The following TRMT2B variants were observed in gnomAD, a reference collection of about 807,000 sequenced individuals.
TRMT2B encodes the protein tRNA (uracil-5-)-methyltransferase homolog B.
In TRMT2B, 34 loss-of-function variants were observed where a neutral mutation model predicts 39.7. The observed-to-expected ratio is 0.86, with a 90% CI of 0.65 to 1.14. The LOEUF is 1.14. TRMT2B is among the 50% of genes most tolerant of loss of function. The pLI is 0.00. For synonymous variants in TRMT2B, 132 were observed against 137.3 expected (o/e 0.96, Z 0.27); for missense variants, 318 against 377.2 (o/e 0.84, Z 1.30).
rs112106991 is a variant in TRMT2B, at chrX:101,010,224, C to T, written c.*357G>A. 0.034 allele frequency: 4,500 copies of T among 131,304 alleles called. 239 individuals carry two copies. Among genetic ancestry groups the T allele is most frequent in the African/African-American group, 0.14 (4,264 of 31,492 alleles). The allele number at this position is 131,304 out of a possible 1,213,427, so 10.8% of individuals were successfully genotyped here. A position where few individuals can be genotyped will look rare whatever the true frequency, so the allele number is the denominator to read the frequency against. ...GTCAGGAGTTTGAGACCAGCCTGGC[C>T]AACATGGTGAAACCCTGTCTCTACC... On this transcript the variant is annotated 3_prime_UTR_variant, in exon 14 of 14. Transcript: ENST00000372936.
rs768882949 is a variant in TRMT2B at position 101,019,024 on chromosome X, C to T, written c.1335G>A (p.Thr445=). ...GGAGCTTGCAGGAAACAAAAACTAG[C>T]GTGTGGATGGCCCTGAAGTTTCGAA... is the stretch of plus-strand genomic sequence containing the variant. ...QAIRNFRAIH[T]LVFVSCKLHG... is the part of the protein sequence containing the mutation. Residue 445 remains threonine (T), a synonymous_variant, in exon 13 of 14, where the codon ACG becomes ACA. Coordinates refer to ENST00000372936, the MANE Select transcript of TRMT2B (RefSeq NM_024917.6). The T allele has an allele frequency of 4.0e-5, 48 of 1,207,433 alleles. No individual in the cohort carries two copies. Among genetic ancestry groups the T allele is most frequent in the East Asian group, 3.9e-4 (13 of 33,755 alleles).
At position 101,021,020 on chromosome X, in the gene TRMT2B, C is replaced by T. The variant is rs1351158641; in HGVS notation, c.1066+81G>A. 6.6e-6 allele frequency: 6 copies of T among 914,502 alleles called. No individual in the cohort carries two copies. The African/African-American group carries it at 9.8e-5, about 15-fold the overall frequency. The allele number at this position is 914,502 out of a possible 1,213,427, so 75.4% of individuals were successfully genotyped here. On this transcript the variant is annotated intron_variant, in intron 10 of 13. Transcript: ENST00000372936. ...GGTTATACCTGCACCACTACCACTA[C>T]CTCTCCCCGACCACCTCCGCAAGCT...
chrX:100,986,754 A>T, the TRMT2B span: 1 of 975,149 alleles, frequency 1.0e-6, no homozygotes, highest in South Asian at 2.5e-5. Context: ...TTTTGGTTTC[A>T]CTCTTCCACT....
intron 7 of TRMT2B, among the ~76,000 whole-genome samples, chrX:101,026,588 C>G (rs775422242): frequency 2.7e-5 from 3 of 110,854 alleles, no homozygotes; most frequent in Non-Finnish European, 5.7e-5. Flanking sequence ...ACTGTATGAC[C>G]TAGGGTCTTG....
At chrX:101,034,531 A>G (rs966721362) in intron 7 of TRMT2B, among the ~76,000 whole-genome samples, 12 of 111,164 alleles carry the variant, frequency 1.1e-4, no homozygotes, top group Non-Finnish European at 2.3e-4. Context: ...TGAAAGCTAG[A>G]CCTCCCTGAA....
At chrX:101,002,634 C>G in the TRMT2B span, among the ~76,000 whole-genome samples, 1 of 110,486 alleles carries the variant, frequency 9.1e-6, no homozygotes, top group Non-Finnish European at 1.9e-5. Flanking sequence ...ACAAAATTAG[C>G]TGGGCCTGGT....
At chrX:101,022,131 T>C in intron 8 of TRMT2B, 69 bp from the exon 9 acceptor site, 1 of 760,708 alleles carries the variant, frequency 1.3e-6, no homozygotes, top group Non-Finnish European at 2.0e-6. Flanking sequence ...CTAAGCTCTA[T>C]AGTAATCAGC....
chrX:100,992,931 A>G, the TRMT2B span, among the ~76,000 whole-genome samples: 32 of 111,939 alleles, frequency 2.9e-4, no homozygotes, highest in African/African-American at 1.0e-3. Flanking sequence ...GAACTAACTC[A>G]TAACTGCTTC....
chrX:100,991,576 G>A, the TRMT2B span, among the ~76,000 whole-genome samples: 3 of 111,130 alleles, frequency 2.7e-5, no homozygotes, highest in African/African-American at 6.5e-5. Flanking sequence ...GGGTTTCACC[G>A]TGTTAGCCAG....
At chrX:100,990,469 T>A in the TRMT2B span, 3 of 984,768 alleles carry the variant, frequency 3.0e-6, no homozygotes, top group South Asian at 1.4e-4. Flanking sequence ...TAAATTTCCA[T>A]TTGATAATAT....
chrX:101,034,539 G>A (rs976220606), intron 7 of TRMT2B, among the ~76,000 whole-genome samples: 8 of 111,443 alleles, frequency 7.2e-5, no homozygotes, highest in African/African-American at 1.3e-4. Flanking sequence ...AGACCTCCCT[G>A]AATATACCTT....
intron 7 of TRMT2B, among the ~76,000 whole-genome samples, chrX:101,030,451 A>ATTTTTTTTT (rs1248355991): frequency 6.4e-5 from 3 of 46,566 alleles, no homozygotes; most frequent in Non-Finnish European, 7.8e-5. Flanking sequence ...ATAGATCTGC[A>ATTTTTTTTT]TTCTTTTTTT....
At chrX:101,038,940 G>A (rs112447538) in intron 4 of TRMT2B, among the ~76,000 whole-genome samples, 15 of 111,321 alleles carry the variant, frequency 1.3e-4, no homozygotes, top group African/African-American at 4.6e-4. Flanking sequence ...TAGTAGAGAT[G>A]GGGTTTCGTT....
At chrX:100,973,538 T>G in the TRMT2B span, 1 of 937,067 alleles carries the variant, frequency 1.1e-6, no homozygotes, top group Non-Finnish European at 1.5e-6. Context: ...TAGACACAGT[T>G]GGATAGAATG....
rs199866721 is a variant in TRMT2B at position 101,051,577 on chromosome X, C to T, written c.-350G>A. 12 of 753,039 alleles carry T rather than the reference C, an allele frequency of 1.6e-5. No individual in the cohort carries two copies. In the East Asian group the frequency reaches 1.8e-3, roughly 115 times the overall value. The allele number at this position is 753,039 out of a possible 1,213,427, so 62.1% of individuals were successfully genotyped here. On this transcript the variant is annotated 5_prime_UTR_variant, in exon 2 of 14. Coordinates refer to ENST00000372936, the MANE Select transcript of TRMT2B (RefSeq NM_024917.6). ...CTAAACTTGGCCGGTCTGCAGGGCC[C>T]GGGAAGGACAGAAAGTAAGGGAGTG...
At chrX:101,021,734 C>A (rs970967793) in intron 9 of TRMT2B, among the ~76,000 whole-genome samples, 4 of 112,875 alleles carry the variant, frequency 3.5e-5, no homozygotes, top group South Asian at 3.6e-4. Context: ...AGCTAGGAGA[C>A]ACAGTCCTTG....
Position 101,035,650 on chromosome X carries a change from A to G in TRMT2B, c.572T>C (p.Leu191Pro). The change falls in exon 7 of 14, where the codon CTG becomes CCG. Residue 191 changes from leucine to proline, a missense_variant. Leu to Pro is a moderately conservative substitution (Grantham distance 98, BLOSUM62 -3). Coordinates refer to ENST00000372936, the MANE Select transcript of TRMT2B (RefSeq NM_024917.6). Reference protein sequence around the residue: ...GNVVCVQSNHLKNIPEKHSQV... With the variant: ...GNVVCVQSNHPKNIPEKHSQV... The stretch of plus-strand genomic sequence containing the variant: ...ACTGTGTTTCTCAGGGATGTTTTTC[A>G]GATGATTAGACTGCACACAGACAAC... 8.3e-7 allele frequency: 1 copy of G among 1,210,520 alleles called. No homozygotes were observed.
rs1383547033 is a variant in TRMT2B at position 101,044,701 on chromosome X, G to A, written c.-23-2389C>T. On this transcript the variant is annotated intron_variant, in intron 2 of 13. Transcript: ENST00000372936. ...CGAAAAATACAAAAATTAGCTGGGC[G>A]TGGTGGCATGCACCTGTAGTCCCAG... Among the ~76,000 whole-genome samples the A allele has an allele frequency of 2.7e-5, 3 of 110,398 alleles. No homozygotes were observed. The South Asian group carries it at 1.1e-3, about 42-fold the overall frequency.
chrX:100,984,554 G>A, the TRMT2B span, among the ~76,000 whole-genome samples: 1 of 112,428 alleles, frequency 8.9e-6, no homozygotes, highest in Non-Finnish European at 1.9e-5. Context: ...AGTCTAGCAT[G>A]GTTTCTTGGA....
Sources: gnomAD v4.1 joint callset for allele counts (sites outside exome capture counted in the v4.1 genomes callset) on GRCh38, gnomAD v4.1.1 for gene constraint, MANE v1.5 for transcripts, NCBI Gene and HGNC (gene_info 2026-07-23, HGNC 2026-07-21) for gene names.